RANBP2: variants seen among roughly 807,000 people sequenced by gnomAD.
RANBP2 encodes RAN binding protein 2.
A neutral mutation model predicts 303.6 loss-of-function variants in RANBP2; 57 were observed. The observed-to-expected ratio is 0.19, with a 90% confidence interval of 0.15 to 0.23. RANBP2 has a LOEUF of 0.23. RANBP2 is among the 10% of genes least tolerant of loss of function. RANBP2 has a pLI of 1.00. For synonymous variants in RANBP2, 1,167 were observed against 1,301.5 expected, an observed-to-expected ratio of 0.90 and a Z score of 2.23; for missense variants, 3,138 against 3,780.8, an observed-to-expected ratio of 0.83 and a Z score of 4.46.
chr2:108,845,136 A>G, the RANBP2 span, among the ~76,000 whole-genome samples: 21 of 152,308 alleles, frequency 1.4e-4, no homozygotes, highest in Admixed American at 3.9e-4. Flanking sequence ...GTTTACCTTA[A>G]TCCTGTCATT....
the RANBP2 span, among the ~76,000 whole-genome samples, chr2:109,531,286 G>A: frequency 3.3e-5 from 5 of 152,164 alleles, no homozygotes; most frequent in African/African-American, 1.2e-4. Context: ...TCTACAGACC[G>A]GCTCTGCATT....
At chr2:108,910,696 G>C in the RANBP2 span, 6 of 1,503,788 alleles carry the variant, frequency 4.0e-6, no homozygotes, top group Non-Finnish European at 5.5e-6. Context: ...CAGAAGCAGC[G>C]AGGAGGCTGC....
chr2:109,330,133 C>T, the RANBP2 span, among the ~76,000 whole-genome samples: 4 of 152,316 alleles, frequency 2.6e-5, no homozygotes, highest in African/African-American at 7.2e-5. Flanking sequence ...TGCTCCCACT[C>T]TGGGGCAGCT....
the RANBP2 span, among the ~76,000 whole-genome samples, chr2:109,474,685 C>A: frequency 6.6e-6 from 1 of 152,238 alleles, no homozygotes; most frequent in African/African-American, 2.4e-5. Context: ...CAGCCCCTTA[C>A]TTTTCTCCAA....
At chr2:108,901,657 T>C in the RANBP2 span, among the ~76,000 whole-genome samples, 1 of 152,142 alleles carries the variant, frequency 6.6e-6, no homozygotes, top group Non-Finnish European at 1.5e-5. Context: ...GATAATAAGA[T>C]AAAACTTGCA....
the RANBP2 span, chr2:109,593,016 G>A: frequency 3.6e-6 from 5 of 1,401,986 alleles, no homozygotes; most frequent in African/African-American, 2.9e-5. Flanking sequence ...AGCATTTAGA[G>A]TACAATATGG....
chr2:108,885,395 A>G, the RANBP2 span: 1 of 152,180 alleles, frequency 6.6e-6, no homozygotes, highest in Non-Finnish European at 1.5e-5. Flanking sequence ...AATGACTTTA[A>G]CTTCTTTGAT....
the RANBP2 span, among the ~76,000 whole-genome samples, chr2:109,346,687 G>A: frequency 6.6e-6 from 1 of 152,032 alleles, no homozygotes; most frequent in African/African-American, 2.4e-5. Flanking sequence ...ATCAGTTTCC[G>A]GATTCTTTGA....
chr2:109,321,182 T>G, the RANBP2 span, among the ~76,000 whole-genome samples: 1 of 152,272 alleles, frequency 6.6e-6, no homozygotes, highest in South Asian at 2.1e-4. Flanking sequence ...TTTGCAGCTC[T>G]TCACATTCTT....
the RANBP2 span, among the ~76,000 whole-genome samples, chr2:108,871,414 A>G: frequency 6.6e-6 from 1 of 150,518 alleles, no homozygotes; most frequent in Non-Finnish European, 1.5e-5. Context: ...TTAACTGGGC[A>G]TGATGGTGTG....
At chr2:109,719,080 T>C in the RANBP2 span, among the ~76,000 whole-genome samples, 1 of 148,828 alleles carries the variant, frequency 6.7e-6, no homozygotes, top group Admixed American at 6.8e-5. Flanking sequence ...GTAAATTGTG[T>C]TGTATGTGAA....
chr2:108,749,390 C>T (rs1257019514), intron 9 of RANBP2, among the ~76,000 whole-genome samples: 4 of 152,048 alleles, frequency 2.6e-5, no homozygotes, highest in African/African-American at 9.7e-5. Flanking sequence ...CTCTGCCTCC[C>T]AGGTTCAAGT....
the RANBP2 span, chr2:109,565,955 C>G: frequency 8.8e-7 from 1 of 1,131,558 alleles, no homozygotes; most frequent in South Asian, 1.3e-5. Flanking sequence ...AATTAAATAA[C>G]AAACCTATTA....
At chr2:109,006,986 T>C in the RANBP2 span, among the ~76,000 whole-genome samples, 55 of 152,226 alleles carry the variant, frequency 3.6e-4, no homozygotes, top group Non-Finnish European at 6.3e-4. Flanking sequence ...TTAAATTGGT[T>C]GGTTGTGAGA....
the RANBP2 span, among the ~76,000 whole-genome samples, chr2:109,040,245 T>A: frequency 1.4e-4 from 22 of 152,228 alleles, no homozygotes; most frequent in Non-Finnish European, 2.8e-4. Flanking sequence ...ATCTTTTTCA[T>A]AAATCAAGTG....
chr2:109,728,747 C>T, the RANBP2 span, among the ~76,000 whole-genome samples: 5 of 149,814 alleles, frequency 3.3e-5, no homozygotes, highest in South Asian at 2.2e-4. Context: ...CCACTGTGCC[C>T]GGCAATGCTA....
chr2:109,001,518 A>G, the RANBP2 span, among the ~76,000 whole-genome samples: 1 of 151,832 alleles, frequency 6.6e-6, no homozygotes, highest in Non-Finnish European at 1.5e-5. Context: ...GGAGAGGGGG[A>G]CCCTCCCACT....
At chr2:109,523,183 C>T in the RANBP2 span, among the ~76,000 whole-genome samples, 1 of 152,170 alleles carries the variant, frequency 6.6e-6, no homozygotes, top group Non-Finnish European at 1.5e-5. Flanking sequence ...GCCCTTGAAT[C>T]TCTGTAGGTT....
At chr2:109,399,966 G>A in the RANBP2 span, among the ~76,000 whole-genome samples, 2 of 152,326 alleles carry the variant, frequency 1.3e-5, no homozygotes, top group African/African-American at 2.4e-5. Context: ...CCGCCACCAC[G>A]CTCCACATTC....
Sources: allele counts gnomAD v4.1 joint callset (sites outside exome capture counted in the v4.1 genomes callset), GRCh38; gene constraint gnomAD v4.1.1; transcripts MANE v1.5; gene names NCBI Gene and HGNC (gene_info 2026-07-23, HGNC 2026-07-21).